The following BRIP1 variants were observed in gnomAD, a reference collection of about 807,000 sequenced individuals.
BRIP1 encodes the protein BRCA1 interacting DNA helicase 1.
Under a neutral mutation model 119.7 loss-of-function variants are expected in BRIP1, and 88 were observed. The observed-to-expected ratio is 0.74, with a 90% CI of 0.62 to 0.88. The LOEUF is 0.88. Among genes scored for constraint, BRIP1 ranks in the 40% least tolerant of loss-of-function variants. The pLI is 0.00. For synonymous variants in BRIP1, 443 were observed against 496.5 expected, an observed-to-expected ratio of 0.89 and a Z score of 1.43; for missense variants, 1,259 against 1,455.4, an observed-to-expected ratio of 0.87 and a Z score of 2.20.
At chr17:61,732,899 G>A (rs995102251) in intron 16 of BRIP1, among the ~76,000 whole-genome samples, 5 of 152,080 alleles carry the variant, frequency 3.3e-5, no homozygotes, top group African/African-American at 1.2e-4. Flanking sequence ...TCACCATGTT[G>A]GCCAGGCTGG....
rs1011857052 is a variant in BRIP1 at position 61,824,062 on chromosome 17, G to A, written c.628-15305C>T. Among the ~76,000 whole-genome samples the A allele has an allele frequency of 9.2e-5, 14 of 152,208 alleles. No individual in the cohort carries two copies. The highest frequency in any genetic ancestry group is 8.5e-4 in the Admixed American group (13 of 15,272). On this transcript the variant is annotated intron_variant, in intron 6 of 19. Transcript: ENST00000259008. The surrounding 1 kb of genome is among the most constrained non-coding windows in gnomAD (Gnocchi z 4.3). ...ACTCCTGACCTCAGGTGATCCACCC[G>A]CCTCAGCCTCCCAAAGTGCTGGGAT... is the stretch of plus-strand genomic sequence containing the variant.
At chr17:61,781,099 T>C (rs1218098737) in intron 11 of BRIP1, 94 bp from the exon 12 acceptor site, 5 of 1,188,184 alleles carry the variant, frequency 4.2e-6, no homozygotes, top group Non-Finnish European at 6.1e-6. Context: ...TTAAAACTCA[T>C]TTGAAAGAGC....
intron 6 of BRIP1, among the ~76,000 whole-genome samples, chr17:61,813,083 A>T (rs2078187463): frequency 6.6e-6 from 1 of 152,158 alleles, no homozygotes; most frequent in African/African-American, 2.4e-5. Context: ...TTGCCAAAGA[A>T]GAAGTTCCTT....
Position 61,702,972 on chromosome 17 carries a change from CTTT to C in BRIP1, c.2493-9463_2493-9461del, listed in dbSNP as rs61428664. ...CTCTGTAACCTTGCGAGCATCTGTT[CTTT>C]TTTTTTTTTTTTTTTTGACTTTTTA... is the stretch of plus-strand genomic sequence containing the variant. On this transcript the variant is annotated intron_variant, in intron 17 of 19. Transcript: ENST00000259008. Among the ~76,000 whole-genome samples the C allele has an allele frequency of 3.8e-3, 480 of 125,206 alleles. 1 individual carries two copies. The highest frequency in any genetic ancestry group is 9.1e-3 in the African/African-American group (306 of 33,444). 82.1% of individuals were successfully genotyped at this position (125,206 alleles called of 152,430 possible).
At chr17:61,711,255 T>C (rs2061769714) in intron 17 of BRIP1, among the ~76,000 whole-genome samples, 1 of 151,956 alleles carries the variant, frequency 6.6e-6, no homozygotes, top group East Asian at 1.9e-4. Context: ...TTGCTTATAC[T>C]AAAAGGAAGA....
chr17:61,812,279 C>T (rs1280773014), intron 6 of BRIP1, among the ~76,000 whole-genome samples: 1 of 152,116 alleles, frequency 6.6e-6, no homozygotes, highest in East Asian at 1.9e-4. Flanking sequence ...TTCCTGCTAA[C>T]AAATGATCAT....
At position 61,860,883 on chromosome 17, in the gene BRIP1, C is replaced by A. The variant is rs189186696; in HGVS notation, c.93+564G>T. On this transcript the variant is annotated intron_variant, in intron 2 of 19. Transcript: ENST00000259008. The surrounding 1 kb of genome is among the most constrained non-coding windows in gnomAD (Gnocchi z 4.1). The stretch of plus-strand genomic sequence containing the variant: ...AAGTTCTGCATAAAAAGTAAGGTAC[C>A]GTATCACATCAATGCACAGTTTCAA... Among the ~76,000 whole-genome samples the A allele has an allele frequency of 2.0e-3, 311 of 151,944 alleles. 1 individual carries two copies. Among genetic ancestry groups the A allele is most frequent in the Non-Finnish European group, 2.2e-3 (151 of 67,952 alleles).
intron 17 of BRIP1, among the ~76,000 whole-genome samples, chr17:61,707,456 G>A (rs1423000287): frequency 6.6e-6 from 1 of 152,040 alleles, no homozygotes; most frequent in East Asian, 1.9e-4. Flanking sequence ...AAATTTTCTT[G>A]AGTTATTTCT....
At position 61,731,863 on chromosome 17, in the gene BRIP1, T is replaced by C. The variant is rs148470521; in HGVS notation, c.2379+11150A>G. On this transcript the variant is annotated intron_variant, in intron 16 of 19. Coordinates refer to ENST00000259008, the MANE Select transcript of BRIP1 (RefSeq NM_032043.3). ...AAGGGGCTATAAACTGTGTTGTGTATCACTCTGTCCCCTGAGTCTATTATA... is the reference window on the plus strand; with the variant it reads ...AAGGGGCTATAAACTGTGTTGTGTACCACTCTGTCCCCTGAGTCTATTATA... Among the ~76,000 whole-genome samples the C allele has an allele frequency of 1.7e-4, 25 of 150,764 alleles. No individual in the cohort carries two copies. In the East Asian group the frequency reaches 4.7e-3, roughly 28 times the overall value.
At position 61,734,934 on chromosome 17, in the gene BRIP1, T is replaced by C. The variant is rs1567772615; in HGVS notation, c.2379+8079A>G. 6.6e-6 allele frequency among the ~76,000 whole-genome samples: 1 copy of C among 152,190 alleles called. No individual in the cohort carries two copies. The highest frequency in any genetic ancestry group is 6.5e-5 in the Admixed American group (1 of 15,278). On this transcript the variant is annotated intron_variant, in intron 16 of 19. Coordinates refer to ENST00000259008, the MANE Select transcript of BRIP1 (RefSeq NM_032043.3). The surrounding 1 kb of genome is among the most constrained non-coding windows in gnomAD (Gnocchi z 5.2). ...ATGAAGTCAAATGAAATAGACAAAA[T>C]AATGCAGAAATAGGTTGTTTCGTTT... is the stretch of plus-strand genomic sequence containing the variant.
chr17:61,811,518 C>T (rs1002000346), intron 6 of BRIP1, among the ~76,000 whole-genome samples: 8 of 151,678 alleles, frequency 5.3e-5, no homozygotes, highest in Non-Finnish European at 8.8e-5. Context: ...CCACCATGCC[C>T]GGCCAAGAAG....
chr17:61,801,625 T>C, intron 7 of BRIP1, 151 bp from the exon 8 acceptor site: 3 of 711,150 alleles, frequency 4.2e-6, no homozygotes, highest in Non-Finnish European at 7.1e-6. Context: ...TTTTTGTCTT[T>C]TTTGAGACAA....
chr17:61,849,662 G>C (rs2078788996), intron 4 of BRIP1, among the ~76,000 whole-genome samples: 2 of 152,160 alleles, frequency 1.3e-5, no homozygotes, highest in Admixed American at 1.3e-4. Flanking sequence ...ATAGAATCAA[G>C]CTCATATAAT....
rs1032050117 is a variant in BRIP1, at chr17:61,722,978, C to G, written c.2380-6915G>C. Among the ~76,000 whole-genome samples the G allele has an allele frequency of 5.3e-5, 8 of 151,964 alleles. No individual in the cohort carries two copies. The highest frequency in any genetic ancestry group is 1.7e-4 in the African/African-American group (7 of 41,380). On this transcript the variant is annotated intron_variant, in intron 16 of 19. Coordinates refer to ENST00000259008, the MANE Select transcript of BRIP1 (RefSeq NM_032043.3). The surrounding 1 kb of genome is among the most constrained non-coding windows in gnomAD (Gnocchi z 4.6). ...ACAAAAAACAAAACCCTGAAATGAA[C>G]TGTATATAAAGGTTAACTTTGAAAT...
chr17:61,793,779 C>A lies in BRIP1; in HGVS notation c.1341-50G>T, dbSNP rs150458297. 2.4e-4 allele frequency: 381 copies of A among 1,567,098 alleles called. No homozygotes were observed. The African/African-American group carries it at 4.5e-3, about 19-fold the overall frequency. ...TCAACCAGTATCATCCTTACACACA[C>A]TATTTCAGCAGAACAAGAGAATCAT... On this transcript the variant is annotated intron_variant, in intron 9 of 19. Transcript: ENST00000259008. The surrounding 1 kb of genome is among the most constrained non-coding windows in gnomAD (Gnocchi z 5.2).
In BRIP1 at chr17:61,808,901, T is replaced by G. The variant is rs539766260; in HGVS notation, c.628-144A>C. On this transcript the variant is annotated intron_variant, in intron 6 of 19. Coordinates refer to ENST00000259008, the MANE Select transcript of BRIP1 (RefSeq NM_032043.3). This position sits in a 1 kb window ranked among gnomAD's most constrained non-coding sequence, Gnocchi z 4.1. Reference sequence around the variant, plus strand: ...AACAAGAAATTATAGTATCTAAAACTTGCCATTAAAGAAAAAACTACAATT... The same window carrying G: ...AACAAGAAATTATAGTATCTAAAACGTGCCATTAAAGAAAAAACTACAATT... The G allele has an allele frequency of 3.7e-5, 31 of 848,442 alleles. No homozygotes were observed. In the African/African-American group the frequency reaches 5.3e-4, roughly 15 times the overall value. 52.6% of individuals were successfully genotyped at this position (848,442 alleles called of 1,614,324 possible).
In BRIP1 at chr17:61,856,114, G is replaced by A. The variant is rs745594894; in HGVS notation, c.379+944C>T. Among the ~76,000 whole-genome samples the A allele has an allele frequency of 1.3e-5, 2 of 152,126 alleles. No homozygotes were observed. Among genetic ancestry groups the A allele is most frequent in the Admixed American group, 1.3e-4 (2 of 15,280 alleles). On this transcript the variant is annotated intron_variant, in intron 4 of 19. Coordinates refer to ENST00000259008, the MANE Select transcript of BRIP1 (RefSeq NM_032043.3). The surrounding 1 kb of genome is among the most constrained non-coding windows in gnomAD (Gnocchi z 5.1). ...GCATAAATCTTTGAAGGAAAGGGAA[G>A]AAATCCAAAAGGCCAAAATCAAAAC...
chr17:61,767,428 C>T lies in BRIP1; in HGVS notation c.2097+8973G>A, dbSNP rs945184004. ...AGTAGCTGGGACTCACAACACCACA[C>T]CTGGCTGATATTTTTTGTTTTGTTT... On this transcript the variant is annotated intron_variant, in intron 14 of 19. Coordinates refer to ENST00000259008, the MANE Select transcript of BRIP1 (RefSeq NM_032043.3). This position sits in a 1 kb window ranked among gnomAD's most constrained non-coding sequence, Gnocchi z 5.7. Among the ~76,000 whole-genome samples, 5 of 151,904 alleles carry T rather than the reference C, an allele frequency of 3.3e-5. No individual in the cohort carries two copies. The highest frequency in any genetic ancestry group is 9.7e-5 in the African/African-American group (4 of 41,346).
At chr17:61,721,057 G>T (rs1284145820) in intron 16 of BRIP1, among the ~76,000 whole-genome samples, 1 of 151,886 alleles carries the variant, frequency 6.6e-6, no homozygotes, top group Non-Finnish European at 1.5e-5. Context: ...GGTCAGGCTG[G>T]TCTCAAACGC....
Sources: allele counts gnomAD v4.1 joint callset (sites outside exome capture counted in the v4.1 genomes callset), GRCh38; gene constraint gnomAD v4.1.1; non-coding constraint Gnocchi (gnomAD v3.1); transcripts MANE v1.5; gene names NCBI Gene and HGNC (gene_info 2026-07-23, HGNC 2026-07-21).